The following GRM5 variants were observed in gnomAD, a reference collection of about 807,000 sequenced individuals.
GRM5 encodes metabotropic glutamate receptor 5.
In GRM5, 19 loss-of-function variants were observed where a neutral mutation model predicts 83.1. The observed-to-expected ratio is 0.23, with a 90% confidence interval of 0.16 to 0.34. The LOEUF (loss-of-function observed/expected upper bound fraction) is 0.34, where lower values mean the gene tolerates loss of function less well. GRM5 is among the 10% of genes least tolerant of loss of function. The probability of loss-of-function intolerance (pLI) is 1.00; values close to 1 mark genes in which losing one functional copy is unlikely to be tolerated. For synonymous variants in GRM5, 675 were observed against 633.6 expected, an observed-to-expected ratio of 1.07 and a Z score of -0.98; for missense variants, 1,160 against 1,588.3, an observed-to-expected ratio of 0.73 and a Z score of 4.58.
At chr11:88,876,451 A>T (rs1399325824) in intron 2 of GRM5, among the ~76,000 whole-genome samples, 1 of 152,120 alleles carries the variant, frequency 6.6e-6, no homozygotes, top group Non-Finnish European at 1.5e-5. Context: ...TCAGATTCTT[A>T]TAATTTGTGT....
At chr11:88,696,129 G>C (rs1448346992) in intron 3 of GRM5, among the ~76,000 whole-genome samples, 1 of 152,168 alleles carries the variant, frequency 6.6e-6, no homozygotes, top group Non-Finnish European at 1.5e-5. Flanking sequence ...AGGCCAGAAG[G>C]GGGATGGAGT....
At chr11:88,963,848 T>A (rs1938859869) in intron 2 of GRM5, among the ~76,000 whole-genome samples, 1 of 152,190 alleles carries the variant, frequency 6.6e-6, no homozygotes, top group African/African-American at 2.4e-5. Flanking sequence ...CAGTACATTA[T>A]GGCCAATATT....
chr11:89,048,024 C>T lies in GRM5; in HGVS notation c.-152G>A. 3 of 616,092 alleles carry T rather than the reference C, an allele frequency of 4.9e-6. No homozygotes were observed. The highest frequency in any genetic ancestry group is 8.6e-6 in the Non-Finnish European group (3 of 350,700). 38.2% of individuals were successfully genotyped at this position (616,092 alleles called of 1,614,324 possible). Reference sequence around the variant, plus strand: ...GTATTTTCTAAAGGACCATTTTGTCCCCATGTACCATTTAGTTAGATGATC... The same window carrying T: ...GTATTTTCTAAAGGACCATTTTGTCTCCATGTACCATTTAGTTAGATGATC... On this transcript the variant is annotated 5_prime_UTR_variant, in exon 2 of 10. Transcript: ENST00000305447.
intron 3 of GRM5, among the ~76,000 whole-genome samples, chr11:88,777,363 T>G (rs1942878459): frequency 6.6e-6 from 1 of 152,224 alleles, no homozygotes; most frequent in South Asian, 2.1e-4. Context: ...GTTTTTAGCT[T>G]CCTTGCAGTG....
chr11:88,630,766 CG>C (rs1938946606), intron 4 of GRM5, among the ~76,000 whole-genome samples: 1 of 151,992 alleles, frequency 6.6e-6, no homozygotes, highest in Admixed American at 6.6e-5. Flanking sequence ...TTAGTAGAGA[CG>C]GGGTTTCTCC....
chr11:88,609,669 C>T (rs1938262271), intron 4 of GRM5, among the ~76,000 whole-genome samples: 1 of 152,072 alleles, frequency 6.6e-6, no homozygotes, highest in South Asian at 2.1e-4. Context: ...AATATTTTCC[C>T]CAATTCTGTA....
intron 3 of GRM5, among the ~76,000 whole-genome samples, chr11:88,685,060 G>T (rs1010035566): frequency 3.3e-5 from 5 of 152,188 alleles, no homozygotes; most frequent in African/African-American, 1.2e-4. Context: ...AGTTCGAACA[G>T]TTTGGAGGGC....
chr11:88,821,407 G>A (rs1029394230), intron 3 of GRM5, among the ~76,000 whole-genome samples: 1 of 150,480 alleles, frequency 6.6e-6, no homozygotes, highest in Non-Finnish European at 1.5e-5. Flanking sequence ...GTAGGAGGAG[G>A]AAGGGTCATA....
chr11:88,870,325 A>G (rs180742555), intron 2 of GRM5, among the ~76,000 whole-genome samples: 109 of 151,760 alleles, frequency 7.2e-4, no homozygotes, highest in Middle Eastern at 3.4e-3. Flanking sequence ...TGAAAGTTAT[A>G]GAATGAAAAT....
intron 9 of GRM5, among the ~76,000 whole-genome samples, chr11:88,514,603 T>G (rs1941473493): frequency 6.6e-6 from 1 of 151,970 alleles, no homozygotes; most frequent in Non-Finnish European, 1.5e-5. Context: ...AGGAATACAG[T>G]GTTAAGGTAT....
intron 1 of GRM5, among the ~76,000 whole-genome samples, chr11:89,058,613 T>G (rs1263541153): frequency 6.6e-6 from 1 of 152,188 alleles, no homozygotes; most frequent in Non-Finnish European, 1.5e-5. Flanking sequence ...TGAAATAGGC[T>G]TGCCTTACTC....
intron 2 of GRM5, among the ~76,000 whole-genome samples, chr11:88,900,740 T>G (rs189552048): frequency 7.1e-4 from 108 of 152,228 alleles, no homozygotes; most frequent in Middle Eastern, 3.4e-3. Context: ...TATTTTTAAA[T>G]TATAAAAAGG....
At chr11:88,788,815 C>T (rs1476543901) in intron 3 of GRM5, among the ~76,000 whole-genome samples, 2 of 152,096 alleles carry the variant, frequency 1.3e-5, no homozygotes, top group Non-Finnish European at 2.9e-5. Context: ...TTCCAAAATA[C>T]ATTAAGTGGA....
intron 3 of GRM5, among the ~76,000 whole-genome samples, chr11:88,701,064 G>A (rs969697795): frequency 8.6e-5 from 13 of 152,044 alleles, no homozygotes; most frequent in African/African-American, 3.1e-4. Flanking sequence ...TGGCTCCAGA[G>A]GTCCTGCTTC....
intron 2 of GRM5, among the ~76,000 whole-genome samples, chr11:88,932,573 T>C (rs542195868): frequency 1.3e-5 from 2 of 151,960 alleles, no homozygotes; most frequent in African/African-American, 2.4e-5. Context: ...TATAAATATA[T>C]AAAAAATAAG....
At chr11:88,924,417 G>A (rs1338346951) in intron 2 of GRM5, among the ~76,000 whole-genome samples, 3 of 152,028 alleles carry the variant, frequency 2.0e-5, no homozygotes, top group Non-Finnish European at 2.9e-5. Flanking sequence ...GTGTCCATCA[G>A]TGGATAAATA....
chr11:88,632,442 C>T (rs922663694), intron 4 of GRM5, among the ~76,000 whole-genome samples: 5 of 151,954 alleles, frequency 3.3e-5, no homozygotes, highest in Non-Finnish European at 5.9e-5. Context: ...CTATGTTACC[C>T]AGGTTGATCT....
intron 2 of GRM5, among the ~76,000 whole-genome samples, chr11:89,041,638 G>A (rs1941536964): frequency 6.6e-6 from 1 of 152,214 alleles, no homozygotes; most frequent in African/African-American, 2.4e-5. Context: ...GGGAAGAGGA[G>A]GGAATGCCCC....
At chr11:88,838,159 T>G (rs557998002) in intron 3 of GRM5, among the ~76,000 whole-genome samples, 30 of 149,752 alleles carry the variant, frequency 2.0e-4, no homozygotes, top group African/African-American at 6.6e-4. Flanking sequence ...TAAAGTTAGG[T>G]TAATATTACT....
Sources: allele counts gnomAD v4.1 joint callset (sites outside exome capture counted in the v4.1 genomes callset), GRCh38; gene constraint gnomAD v4.1.1; transcripts MANE v1.5; gene names NCBI Gene and HGNC (gene_info 2026-07-23, HGNC 2026-07-21).